The following NELL2 variants were observed in gnomAD, a reference collection of about 807,000 sequenced individuals.
NELL2 encodes the protein protein kinase C-binding protein NELL2.
In NELL2, 41 loss-of-function variants were observed where a neutral mutation model predicts 109.6. That is an observed-to-expected ratio of 0.37 (90% confidence interval 0.29 to 0.49). The LOEUF (loss-of-function observed/expected upper bound fraction) is 0.49, where lower values mean the gene tolerates loss of function less well. Among genes scored for constraint, NELL2 ranks in the 20% least tolerant of loss-of-function variants. The pLI, the probability that NELL2 is intolerant of heterozygous loss-of-function variation, is 0.98. For synonymous variants in NELL2, 355 were observed against 344.7 expected (o/e 1.03, Z -0.33); for missense variants, 900 against 1,008.3 (o/e 0.89, Z 1.45).
At chr12:44,851,766 C>CA (rs1944541549) in intron 2 of NELL2, 1 of 152,142 alleles carries the variant, frequency 6.6e-6, no homozygotes, top group African/African-American at 2.4e-5. Flanking sequence ...TGGCCTATTT[C>CA]AGTTTCCAAG....
chr12:44,551,974 G>T (rs887361167), intron 15 of NELL2, among the ~76,000 whole-genome samples: 1 of 152,130 alleles, frequency 6.6e-6, no homozygotes, highest in Non-Finnish European at 1.5e-5. Context: ...AACACAGGTC[G>T]TGCATGTAGG....
At chr12:44,859,500 C>A (rs1944777036) in intron 2 of NELL2, among the ~76,000 whole-genome samples, 2 of 152,106 alleles carry the variant, frequency 1.3e-5, no homozygotes. Context: ...GAGATTGCAC[C>A]ATTGCACTCC....
At chr12:44,715,648 C>T (rs1287432178) in intron 9 of NELL2, among the ~76,000 whole-genome samples, 2 of 151,900 alleles carry the variant, frequency 1.3e-5, no homozygotes, top group African/African-American at 4.8e-5. Context: ...TTTGAAAGGC[C>T]ACCCAATATT....
intron 1 of NELL2, among the ~76,000 whole-genome samples, chr12:44,890,960 C>A (rs1416183775): frequency 6.6e-6 from 1 of 152,120 alleles, no homozygotes; most frequent in East Asian, 1.9e-4. Context: ...GAACTCCTGA[C>A]CTCAGGTGAT....
At chr12:44,877,039 G>A (rs1945349481), upstream of NELL2, 2 of 308,240 alleles carry the variant, frequency 6.5e-6, no homozygotes, top group Non-Finnish European at 5.3e-6. Flanking sequence ...ATAAAGCGTG[G>A]AGACCCGGAC....
intron 3 of NELL2, among the ~76,000 whole-genome samples, chr12:44,783,823 T>C (rs11182670): frequency 0.24 from 36,136 of 151,866 alleles, 4,581 homozygotes; most frequent in South Asian, 0.3. Flanking sequence ...ATTCATTTTA[T>C]GTATTTATAT....
intron 15 of NELL2, among the ~76,000 whole-genome samples, chr12:44,553,418 C>G (rs541183298): frequency 6.6e-6 from 1 of 152,198 alleles, no homozygotes; most frequent in South Asian, 2.1e-4. Context: ...GGCTTCATAT[C>G]TACAGCCAAG....
chr12:44,763,557 A>C (rs1941209579), intron 9 of NELL2, among the ~76,000 whole-genome samples: 1 of 152,224 alleles, frequency 6.6e-6, no homozygotes, highest in Non-Finnish European at 1.5e-5. Flanking sequence ...AGTAAATTAC[A>C]ATATCCTAAA....
intron 15 of NELL2, among the ~76,000 whole-genome samples, chr12:44,574,158 G>A (rs1375805790): frequency 1.3e-5 from 2 of 151,882 alleles, no homozygotes; most frequent in Non-Finnish European, 2.9e-5. Context: ...CTGTCTCTTG[G>A]GTTCAAGTGA....
intron 2 of NELL2, among the ~76,000 whole-genome samples, chr12:44,849,319 G>GA (rs1944463483): frequency 1.3e-5 from 2 of 151,894 alleles, no homozygotes; most frequent in African/African-American, 2.4e-5. Flanking sequence ...CATAATAAAT[G>GA]AAAAAATCCT....
At chr12:44,840,887 T>C (rs1362820378) in intron 2 of NELL2, among the ~76,000 whole-genome samples, 1 of 152,218 alleles carries the variant, frequency 6.6e-6, no homozygotes, top group Admixed American at 6.5e-5. Flanking sequence ...TTTAAAATGC[T>C]GAAAATGTTT....
chr12:44,557,105 C>T (rs993980765), intron 15 of NELL2, among the ~76,000 whole-genome samples: 6 of 152,188 alleles, frequency 3.9e-5, no homozygotes, highest in Admixed American at 3.9e-4. Flanking sequence ...ATGATGCACT[C>T]CCACACATCC....
chr12:44,587,904 C>G (rs555433895), intron 15 of NELL2, among the ~76,000 whole-genome samples: 103 of 152,272 alleles, frequency 6.8e-4, no homozygotes, highest in African/African-American at 2.3e-3. Context: ...GTAATCCCAG[C>G]ACTTTGGGAG....
chr12:44,620,126 T>TG (rs1489884834), intron 13 of NELL2, among the ~76,000 whole-genome samples: 1 of 151,016 alleles, frequency 6.6e-6, no homozygotes, highest in Non-Finnish European at 1.5e-5. Context: ...GTTTTGTTTT[T>TG]TTTTTTTTTT....
intron 10 of NELL2, among the ~76,000 whole-genome samples, chr12:44,713,177 TAC>T (rs35017907): frequency 0.024 from 3,456 of 141,878 alleles, 45 homozygotes; most frequent in East Asian, 0.04. Context: ...ATGAATAGGA[TAC>T]ACACACACAC....
chr12:44,839,314 T>C (rs183385947), intron 2 of NELL2, among the ~76,000 whole-genome samples: 1 of 152,310 alleles, frequency 6.6e-6, no homozygotes, highest in East Asian at 1.9e-4. Context: ...TATATCTTCA[T>C]GCTGCTTAAA....
chr12:44,900,980 A>G (rs2136880762), intron 1 of NELL2, among the ~76,000 whole-genome samples: 1 of 142,062 alleles, frequency 7.0e-6, no homozygotes, highest in East Asian at 2.2e-4. Context: ...AGAGTAAGAA[A>G]CTGTCAAAAC....
intron 9 of NELL2, among the ~76,000 whole-genome samples, chr12:44,756,453 C>G (rs1292795516): frequency 2.6e-5 from 4 of 151,950 alleles, no homozygotes; most frequent in African/African-American, 7.3e-5. Context: ...CAGTAACTAC[C>G]CCATGCATCC....
At chr12:44,558,587 C>T (rs1365629905) in intron 15 of NELL2, among the ~76,000 whole-genome samples, 1 of 152,138 alleles carries the variant, frequency 6.6e-6, no homozygotes, top group Non-Finnish European at 1.5e-5. Flanking sequence ...GGAACTCCCT[C>T]CCCTCCCTAA....
Sources: gnomAD v4.1 joint callset for allele counts (sites outside exome capture counted in the v4.1 genomes callset) on GRCh38, gnomAD v4.1.1 for gene constraint, MANE v1.5 for transcripts, NCBI Gene and HGNC (gene_info 2026-07-23, HGNC 2026-07-21) for gene names.